The following SLC44A2 variants were observed in gnomAD, a reference collection of about 807,000 sequenced individuals.
SLC44A2 encodes solute carrier family 44 member 2 (CTL2 blood group).
In SLC44A2, 57 loss-of-function variants were observed where a neutral mutation model predicts 90.8. The observed-to-expected ratio is 0.63, with a 90% CI of 0.51 to 0.78. The LOEUF (loss-of-function observed/expected upper bound fraction) is 0.78. Among genes scored for constraint, SLC44A2 ranks in the 30% least tolerant of loss-of-function variants. SLC44A2 has a pLI of 0.00. For synonymous variants in SLC44A2, 355 were observed against 360.7 expected, an observed-to-expected ratio of 0.98 and a Z score of 0.18; for missense variants, 794 against 919.7, an observed-to-expected ratio of 0.86 and a Z score of 1.77.
chr19:10,625,498 T>A (rs1457104595), upstream of SLC44A2: 1 of 1,220,734 alleles, frequency 8.2e-7, no homozygotes, highest in Non-Finnish European at 1.0e-6. Context: ...TCTGACCGGT[T>A]TGGGCCGCCC....
At chr19:10,629,482 T>A (rs1475239576) in intron 4 of SLC44A2, among the ~76,000 whole-genome samples, 1 of 151,454 alleles carries the variant, frequency 6.6e-6, no homozygotes, top group Non-Finnish European at 1.5e-5. Flanking sequence ...TTCATCATAT[T>A]GGTCAGGCTG....
At chr19:10,625,754 AG>A in intron 1 of SLC44A2, 84 bp downstream of exon 1, 1 of 1,108,398 alleles carries the variant, frequency 9.0e-7, no homozygotes, top group Non-Finnish European at 1.2e-6. Flanking sequence ...GGCGCAGGGA[AG>A]GGGGCTGGAG....
At chr19:10,619,168 A>G (rs2066879226) in intron 1 of SLC44A2, among the ~76,000 whole-genome samples, 1 of 151,158 alleles carries the variant, frequency 6.6e-6, no homozygotes, top group Admixed American at 6.6e-5. Flanking sequence ...AGTGGCTCAC[A>G]TCTGTAATCC....
intron 2 of SLC44A2, 112 bp downstream of exon 2, chr19:10,626,413 T>C: frequency 8.3e-6 from 2 of 242,094 alleles, no homozygotes; most frequent in African/African-American, 2.5e-5. Flanking sequence ...TATTTGAAAC[T>C]TTTTTTTTTT....
chr19:10,628,340 C>G (rs974076272), intron 4 of SLC44A2, among the ~76,000 whole-genome samples: 2 of 152,154 alleles, frequency 1.3e-5, no homozygotes, highest in Non-Finnish European at 2.9e-5. Flanking sequence ...GAGCCGAGAT[C>G]GTGCCACTGC....
chr19:10,617,609 T>C lies in SLC44A2; in HGVS notation c.32-8644T>C, dbSNP rs73923264. ...ACTCCCTCATGTGTTCCCTCCCCGG[T>C]GCGGCCCTGTCATGCTCCTGCTCAA... On this transcript the variant is annotated intron_variant, in intron 1 of 21. Coordinates refer to the SLC44A2 transcript ENST00000407327. Among the ~76,000 whole-genome samples, 563 of 152,298 alleles carry C rather than the reference T, an allele frequency of 3.7e-3. 6 individuals are homozygous for C. The highest frequency in any genetic ancestry group is 0.011 in the African/African-American group (468 of 41,568).
At position 10,627,836 on chromosome 19, in the gene SLC44A2, C is replaced by T. The variant is rs191010225; in HGVS notation, c.160+41C>T. The T allele has an allele frequency of 4.6e-4, 745 of 1,612,496 alleles. 14 individuals are homozygous for T. In the East Asian group the frequency reaches 0.012, roughly 25 times the overall value. On this transcript the variant is annotated intron_variant, in intron 3 of 21. Coordinates refer to ENST00000335757, the MANE Select transcript of SLC44A2 (RefSeq NM_020428.4). ...GCAGGACTTGGAGTTGCAGGGTAGG[C>T]GGAGGCAGCCATGGCCTCTGGAGTG...
intron 1 of SLC44A2, among the ~76,000 whole-genome samples, chr19:10,616,124 T>C (rs1037801385): frequency 6.8e-6 from 1 of 146,142 alleles, no homozygotes; most frequent in Non-Finnish European, 1.5e-5. Flanking sequence ...TGGGTGACAG[T>C]GAGACCCTGT....
chr19:10,636,601 A>G lies in SLC44A2; in HGVS notation c.1496+16A>G. On this transcript the variant is annotated intron_variant, in intron 15 of 21. Coordinates refer to ENST00000335757, the MANE Select transcript of SLC44A2 (RefSeq NM_020428.4). The stretch of plus-strand genomic sequence containing the variant: ...GGGCGCTCAGGTGGGCTGGCGTTGC[A>G]GGCAGGATGGGGTGGAGGACGAGGC... 1 of 1,604,382 alleles carries G rather than the reference A, an allele frequency of 6.2e-7. No homozygotes were observed. The highest frequency in any genetic ancestry group is 8.5e-7 in the Non-Finnish European group (1 of 1,175,984).
chr19:10,625,234 G>C (rs1044885438), upstream of SLC44A2: 5 of 205,890 alleles, frequency 2.4e-5, no homozygotes, highest in Admixed American at 3.0e-4. Context: ...GGTTTGGGCA[G>C]TAGGCCGTTT....
rs555719875 is a variant in SLC44A2 at position 10,617,071 on chromosome 19, G to A, written c.32-9182G>A. ...TTAGTAGCTGAGACTACAGGCTCTC[G>A]CCACCACGCCCGGCTAATTTTTGTA... On this transcript the variant is annotated intron_variant, in intron 1 of 21. Coordinates refer to the SLC44A2 transcript ENST00000407327. 2.6e-5 allele frequency among the ~76,000 whole-genome samples: 4 copies of A among 151,986 alleles called. No homozygotes were observed. The South Asian group carries it at 6.2e-4, about 24-fold the overall frequency.
chr19:10,626,045 C>T (rs2066929868), intron 1 of SLC44A2, among the ~76,000 whole-genome samples: 1 of 152,214 alleles, frequency 6.6e-6, no homozygotes, highest in Non-Finnish European at 1.5e-5. Context: ...AGTTAGTGAT[C>T]CCTCCTTCCT....
intron 1 of SLC44A2, among the ~76,000 whole-genome samples, chr19:10,602,746 C>T (rs113379022): frequency 0.2 from 30,776 of 152,140 alleles, 4,107 homozygotes; most frequent in Non-Finnish European, 0.3. Flanking sequence ...CCCCGCGTCC[C>T]CTCCCCGGGA....
At chr19:10,614,088 C>T (rs1418769924) in intron 1 of SLC44A2, among the ~76,000 whole-genome samples, 1 of 151,982 alleles carries the variant, frequency 6.6e-6, no homozygotes, top group Non-Finnish European at 1.5e-5. Flanking sequence ...GCCTCAGCCT[C>T]CTGAGTAGCT....
Position 10,643,264 on chromosome 19 carries a change from G to T in SLC44A2, c.2015-15G>T. On this transcript the variant is annotated splice_polypyrimidine_tract_variant and intron_variant, in intron 21 of 21. Coordinates refer to ENST00000335757, the MANE Select transcript of SLC44A2 (RefSeq NM_020428.4). ...GCTCCCCTCATGCCTCCTGCTCTGGGACCTCTCTCCACAGTGGAGGACCTG... is the reference window on the plus strand; with the variant it reads ...GCTCCCCTCATGCCTCCTGCTCTGGTACCTCTCTCCACAGTGGAGGACCTG... 1 of 1,604,852 alleles carries T rather than the reference G, an allele frequency of 6.2e-7. No homozygotes were observed. The highest frequency in any genetic ancestry group is 1.1e-5 in the South Asian group (1 of 89,700).
chr19:10,643,311 G>C lies in SLC44A2; in HGVS notation c.2047G>C (p.Glu683Gln). ...CCTGGAGAGGAATGACGGCTCGGCC[G>C]AGAGGCCTTACTTCATGTCTTCCAC... ...EDLERNDGSA[E>Q]RPYFMSSTLK... is the part of the protein sequence containing the mutation. The change falls in exon 22 of 22, where the codon GAG (glutamate) becomes CAG (glutamine). Residue 683 changes from glutamate (E) to glutamine (Q), a missense_variant. By Grantham distance (29) the Glu-to-Gln change is conservative (BLOSUM62 2). Coordinates refer to ENST00000335757, the MANE Select transcript of SLC44A2 (RefSeq NM_020428.4). The C allele has an allele frequency of 2.5e-6, 4 of 1,610,232 alleles. No homozygotes were observed. Among genetic ancestry groups the C allele is most frequent in the Non-Finnish European group, 2.5e-6 (3 of 1,178,244 alleles).
upstream of SLC44A2, among the ~76,000 whole-genome samples, chr19:10,624,389 C>T (rs1315447425): frequency 1.3e-5 from 2 of 152,058 alleles, no homozygotes; most frequent in African/African-American, 4.8e-5. Context: ...CTGCAACCTC[C>T]ACCTCCTGGG....
upstream of SLC44A2, among the ~76,000 whole-genome samples, chr19:10,621,897 G>T (rs1018498679): frequency 2.0e-5 from 3 of 152,160 alleles, no homozygotes; most frequent in Admixed American, 1.3e-4. Context: ...GATTATAGGC[G>T]TGAGCCACTG....
chr19:10,614,444 G>T (rs944538562), intron 1 of SLC44A2, among the ~76,000 whole-genome samples: 1 of 151,968 alleles, frequency 6.6e-6, no homozygotes, highest in African/African-American at 2.4e-5. Flanking sequence ...TGTTGATCAG[G>T]CTGGTCTCCA....
Sources: allele counts gnomAD v4.1 joint callset (sites outside exome capture counted in the v4.1 genomes callset), GRCh38; gene constraint gnomAD v4.1.1; transcripts MANE v1.5; gene names NCBI Gene and HGNC (gene_info 2026-07-23, HGNC 2026-07-21).